The following SLC25A13 variants were observed in gnomAD, a reference collection of about 807,000 sequenced individuals.
The protein encoded by SLC25A13 is solute carrier family 25 member 13, also known as electrogenic aspartate/glutamate antiporter SLC25A13, mitochondrial.
In SLC25A13, 70 loss-of-function variants were observed where a neutral mutation model predicts 85.5. That is an observed-to-expected ratio of 0.82 (90% confidence interval 0.68 to 1.00). SLC25A13 has a LOEUF of 1.00. SLC25A13 is among the 50% of genes least tolerant of loss of function. The probability of loss-of-function intolerance (pLI) is 0.00; values close to 1 mark genes in which losing one functional copy is unlikely to be tolerated. For synonymous variants in SLC25A13, 259 were observed against 288.7 expected (o/e 0.90, Z 1.04); for missense variants, 765 against 819.8 (o/e 0.93, Z 0.82).
At chr7:96,297,725 T>C (rs113912250) in intron 1 of SLC25A13, among the ~76,000 whole-genome samples, 4,690 of 152,298 alleles carry the variant, frequency 0.031, 182 homozygotes, top group African/African-American at 0.09. Flanking sequence ...TGAACAGGCA[T>C]GTATACCTCA....
rs1791467898 is a variant in SLC25A13 at position 96,120,845 on chromosome 7, A to G, written c.*346T>C. 1 of 474,346 alleles carries G rather than the reference A, an allele frequency of 2.1e-6. No individual in the cohort carries two copies. The allele number at this position is 474,346 out of a possible 1,614,324, so 29.4% of individuals were successfully genotyped here. Reference sequence around the variant, plus strand: ...GCTCTGAGCACCATGATTGCCTTACAGTAGCCTCTTTGGGACTACAATCCT... The same window carrying G: ...GCTCTGAGCACCATGATTGCCTTACGGTAGCCTCTTTGGGACTACAATCCT... On this transcript the variant is annotated 3_prime_UTR_variant, in exon 18 of 18. Transcript: ENST00000265631.
intron 15 of SLC25A13, among the ~76,000 whole-genome samples, chr7:96,126,549 A>G (rs1020542876): frequency 2.0e-5 from 3 of 152,184 alleles, no homozygotes; most frequent in African/African-American, 7.2e-5. Flanking sequence ...ACTCATGTTA[A>G]TGATTTACCC....
At chr7:96,262,016 C>G (rs1310800464) in intron 3 of SLC25A13, among the ~76,000 whole-genome samples, 2 of 152,172 alleles carry the variant, frequency 1.3e-5, no homozygotes, top group Non-Finnish European at 2.9e-5. Flanking sequence ...TTCCCAACAC[C>G]GTTGCAATAG....
chr7:96,229,654 C>A lies in SLC25A13; in HGVS notation c.328+5148G>T, dbSNP rs368304348. ...GAGGCCAGCGACACCACGAACCCAC[C>A]GGGAGGTATGAACAACTCTGGACGG... On this transcript the variant is annotated intron_variant, in intron 4 of 17. Coordinates refer to ENST00000265631, the MANE Select transcript of SLC25A13 (RefSeq NM_014251.3). Among the ~76,000 whole-genome samples, 8 of 152,246 alleles carry A rather than the reference C, an allele frequency of 5.3e-5. 1 individual carries two copies. The South Asian group carries it at 1.0e-3, about 20-fold the overall frequency.
rs115478645 is a variant in SLC25A13, at chr7:96,153,812, C to A, written c.1312-7116G>T. On this transcript the variant is annotated intron_variant, in intron 13 of 17. Transcript: ENST00000265631. ...ATTATATATCTTTATTAGAGGAGAACAATAGAACTGGTACACCAAAAGAAA... is the reference window on the plus strand; with the variant it reads ...ATTATATATCTTTATTAGAGGAGAAAAATAGAACTGGTACACCAAAAGAAA... Among the ~76,000 whole-genome samples the A allele has an allele frequency of 7.4e-3, 1,118 of 152,106 alleles. 14 individuals carry two copies. The highest frequency in any genetic ancestry group is 0.026 in the African/African-American group (1,071 of 41,486).
intron 14 of SLC25A13, among the ~76,000 whole-genome samples, chr7:96,134,985 T>C (rs1011314314): frequency 1.3e-5 from 2 of 151,612 alleles, no homozygotes; most frequent in South Asian, 2.1e-4. Context: ...AAGGAAGAAA[T>C]GGAAAAGTCA....
In SLC25A13 at chr7:96,121,740, C is replaced by T. The variant is rs1258297177; in HGVS notation, c.1756G>A (p.Val586Ile). ...KALWKGAGAR[V>I]FRSSPQFGVT... The stretch of plus-strand genomic sequence containing the variant: ...CCAAACTGGGGTGAGGATCGAAATA[C>T]ACGAGCTTTAAAAAAATGGAGAAAT... Residue 586 changes from valine to isoleucine, a missense_variant, in exon 17 of 18, where the codon GTA becomes ATA. Val to Ile is a conservative substitution (Grantham distance 29). Transcript: ENST00000265631. 2 of 1,614,012 alleles carry T rather than the reference C, an allele frequency of 1.2e-6. No homozygotes were observed. Among genetic ancestry groups the T allele is most frequent in the Admixed American group, 3.3e-5 (2 of 60,008 alleles).
chr7:96,287,147 G>A (rs540449807), intron 2 of SLC25A13, among the ~76,000 whole-genome samples: 101 of 152,280 alleles, frequency 6.6e-4, no homozygotes, highest in Non-Finnish European at 1.2e-3. Flanking sequence ...TGTGTTTCCC[G>A]TTCTTCCCCT....
intron 5 of SLC25A13, among the ~76,000 whole-genome samples, chr7:96,202,958 T>C (rs1323251585): frequency 6.6e-6 from 1 of 152,186 alleles, no homozygotes; most frequent in African/African-American, 2.4e-5. Context: ...GTAAGTTCTC[T>C]TGACTCCATT....
intron 13 of SLC25A13, among the ~76,000 whole-genome samples, chr7:96,156,812 G>A (rs1176638455): frequency 1.3e-5 from 2 of 151,722 alleles, no homozygotes; most frequent in Non-Finnish European, 2.9e-5. Flanking sequence ...CTACCAAAGT[G>A]CTGGGATTAC....
intron 4 of SLC25A13, among the ~76,000 whole-genome samples, chr7:96,223,585 C>A (rs1301212425): frequency 2.6e-5 from 4 of 152,042 alleles, no homozygotes; most frequent in Non-Finnish European, 5.9e-5. Flanking sequence ...CTCAGGAGTT[C>A]CAGACCAGCC....
intron 14 of SLC25A13, among the ~76,000 whole-genome samples, chr7:96,135,313 G>A (rs905628059): frequency 6.6e-6 from 1 of 152,064 alleles, no homozygotes; most frequent in African/African-American, 2.4e-5. Flanking sequence ...GTCAGGAGGC[G>A]GCCCTTCACC....
At chr7:96,263,072 T>G (rs1442753220) in intron 3 of SLC25A13, among the ~76,000 whole-genome samples, 1 of 151,918 alleles carries the variant, frequency 6.6e-6, no homozygotes, top group East Asian at 1.9e-4. Context: ...CACAAAATAT[T>G]TTTATTTTAA....
intron 1 of SLC25A13, 99 bp downstream of exon 1, chr7:96,321,843 C>A: frequency 7.1e-7 from 1 of 1,402,188 alleles, no homozygotes. Context: ...CATTTTGCTC[C>A]GCCTGTGGCA....
chr7:96,209,072 A>G, intron 4 of SLC25A13, 95 bp from the exon 5 acceptor site: 1 of 1,267,466 alleles, frequency 7.9e-7, no homozygotes, highest in Non-Finnish European at 1.1e-6. Context: ...TTCTTATTAA[A>G]AAAAGTAATT....
intron 14 of SLC25A13, among the ~76,000 whole-genome samples, chr7:96,140,997 C>T (rs1435261671): frequency 6.7e-6 from 1 of 149,770 alleles, no homozygotes; most frequent in African/African-American, 2.4e-5. Flanking sequence ...ATTAATTTTG[C>T]GCATTCCTTT....
chr7:96,223,087 G>T (rs932817952), intron 4 of SLC25A13, among the ~76,000 whole-genome samples: 1 of 149,906 alleles, frequency 6.7e-6, no homozygotes, highest in African/African-American at 2.5e-5. Context: ...TTTTTCCCCA[G>T]GAAAAAAAAA....
intron 5 of SLC25A13, among the ~76,000 whole-genome samples, chr7:96,207,440 C>A (rs1015402475): frequency 1.3e-5 from 2 of 152,154 alleles, no homozygotes; most frequent in African/African-American, 4.8e-5. Context: ...CTGGCAAGGT[C>A]TGGAACACAC....
chr7:96,319,536 A>G (rs954807332), intron 1 of SLC25A13, among the ~76,000 whole-genome samples: 160 of 98,910 alleles, frequency 1.6e-3, no homozygotes, highest in African/African-American at 6.3e-3. Flanking sequence ...GCAAGACTCC[A>G]TCTCAAAAAA....
Sources: allele counts gnomAD v4.1 joint callset (sites outside exome capture counted in the v4.1 genomes callset), GRCh38; gene constraint gnomAD v4.1.1; transcripts MANE v1.5; gene names NCBI Gene and HGNC (gene_info 2026-07-23, HGNC 2026-07-21).